AMPH: variants seen among roughly 807,000 people sequenced by gnomAD.
AMPH encodes amphiphysin.
A neutral mutation model predicts 99.1 loss-of-function variants in AMPH; 49 were observed. The ratio of observed to expected loss-of-function variants is 0.49; its 90% CI spans 0.39 to 0.63. The LOEUF is 0.63. Ranked by LOEUF, AMPH falls within the 20% of genes least tolerant of loss-of-function variation. AMPH has a pLI of 0.00. For missense variants in AMPH, 759 were observed against 863.4 expected (o/e 0.88, Z 1.52); for synonymous variants, 314 against 317.3 (o/e 0.99, Z 0.11).
chr7:38,623,530 G>T (rs1260728591), intron 1 of AMPH, among the ~76,000 whole-genome samples: 1 of 152,098 alleles, frequency 6.6e-6, no homozygotes, highest in Non-Finnish European at 1.5e-5. Context: ...GGAAAAGAAG[G>T]CATAAGCTTT....
chr7:38,443,706 A>G (rs1045244194), intron 11 of AMPH, among the ~76,000 whole-genome samples: 78 of 152,146 alleles, frequency 5.1e-4, no homozygotes, highest in African/African-American at 1.4e-3. Flanking sequence ...CAATCTGATA[A>G]AAGCCATCTA....
intron 7 of AMPH, among the ~76,000 whole-genome samples, chr7:38,469,557 G>A (rs1271722126): frequency 6.6e-6 from 1 of 152,110 alleles, no homozygotes; most frequent in Non-Finnish European, 1.5e-5. Flanking sequence ...GATGGAGTAT[G>A]AGGAAGAGTT....
chr7:38,454,604 C>T (rs1469290694), intron 11 of AMPH, among the ~76,000 whole-genome samples: 1 of 151,354 alleles, frequency 6.6e-6, no homozygotes, highest in Non-Finnish European at 1.5e-5. Context: ...GATATGTGAA[C>T]CCAGGTATAT....
At chr7:38,551,640 G>C (rs890649475) in intron 1 of AMPH, among the ~76,000 whole-genome samples, 1 of 152,066 alleles carries the variant, frequency 6.6e-6, no homozygotes, top group Admixed American at 6.6e-5. Context: ...GAATGCCCAG[G>C]ACCTAAATAG....
chr7:38,399,746 T>C (rs964886720), intron 17 of AMPH, among the ~76,000 whole-genome samples: 6 of 152,220 alleles, frequency 3.9e-5, no homozygotes, highest in Admixed American at 2.0e-4. Context: ...TGAAAGTACT[T>C]CAAGCCTTTC....
chr7:38,422,728 T>A (rs1050184108), intron 15 of AMPH, among the ~76,000 whole-genome samples: 3 of 152,104 alleles, frequency 2.0e-5, no homozygotes, highest in Admixed American at 6.5e-5. Context: ...GCTCAGGCGA[T>A]CTACCTCAGC....
chr7:38,465,397 G>T (rs951856595), intron 9 of AMPH, 70 bp downstream of exon 9: 1 of 1,343,976 alleles, frequency 7.4e-7, no homozygotes, highest in Non-Finnish European at 1.0e-6. Context: ...AAATAGTACA[G>T]GCTGGTCCAC....
chr7:38,441,269 A>G (rs1786494096), intron 11 of AMPH, among the ~76,000 whole-genome samples: 1 of 152,152 alleles, frequency 6.6e-6, no homozygotes, highest in African/African-American at 2.4e-5. Flanking sequence ...AAGCACACAC[A>G]CTTTTATAGG....
chr7:38,618,056 C>T (rs1793934340), intron 1 of AMPH, among the ~76,000 whole-genome samples: 1 of 152,024 alleles, frequency 6.6e-6, no homozygotes, highest in Non-Finnish European at 1.5e-5. Context: ...TATGATCTTG[C>T]TTTATTTTTT....
At chr7:38,442,104 G>A (rs904237329) in intron 11 of AMPH, among the ~76,000 whole-genome samples, 3 of 151,838 alleles carry the variant, frequency 2.0e-5, no homozygotes, top group Admixed American at 2.0e-4. Flanking sequence ...TATTGGAAGT[G>A]GAAGGTAGGA....
chr7:38,630,730 C>A (rs1794423697), intron 1 of AMPH, among the ~76,000 whole-genome samples: 1 of 152,204 alleles, frequency 6.6e-6, no homozygotes, highest in African/African-American at 2.4e-5. Flanking sequence ...CACGATCCTA[C>A]CCTATTGGTC....
chr7:38,565,556 A>G (rs984831124), intron 1 of AMPH, among the ~76,000 whole-genome samples: 3 of 152,176 alleles, frequency 2.0e-5, no homozygotes, highest in African/African-American at 7.2e-5. Context: ...AAGGACACTA[A>G]TTATGTTGGA....
chr7:38,478,636 T>C (rs117740994), intron 5 of AMPH, among the ~76,000 whole-genome samples: 2,417 of 152,184 alleles, frequency 0.016, 22 homozygotes, highest in Non-Finnish European at 0.024. Context: ...GACTCAGACA[T>C]GACTCAGATG....
chr7:38,560,681 G>T (rs768216338), intron 1 of AMPH, among the ~76,000 whole-genome samples: 8 of 152,190 alleles, frequency 5.3e-5, no homozygotes, highest in Non-Finnish European at 1.2e-4. Context: ...ATGCATGTTT[G>T]TTTGTTTTAT....
Position 38,610,387 on chromosome 7 carries a change from A to G in AMPH, c.69+20896T>C, listed in dbSNP as rs569406834. Among the ~76,000 whole-genome samples the G allele has an allele frequency of 5.8e-4, 78 of 135,186 alleles. 1 individual carries two copies. Among genetic ancestry groups the G allele is most frequent in the African/African-American group, 1.9e-3 (64 of 33,532 alleles). 88.7% of individuals were successfully genotyped at this position (135,186 alleles called of 152,430 possible). On this transcript the variant is annotated intron_variant, in intron 1 of 20. Transcript: ENST00000356264. The stretch of plus-strand genomic sequence containing the variant: ...AGAAAAGAAAAGAAAGGAAAGGAAA[A>G]GAAAAGAAAAGAAAAGAAAAGAAAA...
At chr7:38,445,843 C>T (rs1050790013) in intron 11 of AMPH, among the ~76,000 whole-genome samples, 14 of 152,156 alleles carry the variant, frequency 9.2e-5, no homozygotes, top group South Asian at 2.1e-4. Flanking sequence ...ATCATGGGGG[C>T]GGAGTTTTCA....
chr7:38,591,807 T>C (rs1161221785), intron 1 of AMPH, among the ~76,000 whole-genome samples: 1 of 152,232 alleles, frequency 6.6e-6, no homozygotes, highest in African/African-American at 2.4e-5. Flanking sequence ...GAACCAACTA[T>C]ATCCCTTGAG....
intron 11 of AMPH, among the ~76,000 whole-genome samples, chr7:38,446,794 T>A (rs1483832101): frequency 6.6e-6 from 1 of 152,130 alleles, no homozygotes; most frequent in African/African-American, 2.4e-5. Context: ...CAATCACACA[T>A]CAATAGAGCT....
chr7:38,404,046 C>T (rs3778885), intron 17 of AMPH, among the ~76,000 whole-genome samples: 28,580 of 152,054 alleles, frequency 0.19, 3,391 homozygotes, highest in East Asian at 0.4. Flanking sequence ...AGCTGTGCCC[C>T]AAGGCCATTT....
Sources: allele counts gnomAD v4.1 joint callset (sites outside exome capture counted in the v4.1 genomes callset), GRCh38; gene constraint gnomAD v4.1.1; transcripts MANE v1.5; gene names NCBI Gene and HGNC (gene_info 2026-07-23, HGNC 2026-07-21).